The following NPFFR2 variants were observed in gnomAD, a reference collection of about 807,000 sequenced individuals.
NPFFR2 encodes G-protein coupled receptor 74.
Under a neutral mutation model 13.1 loss-of-function variants are expected in NPFFR2, and 15 were observed. The observed-to-expected ratio is 1.15, with a 90% confidence interval of 0.77 to 1.76. The LOEUF (loss-of-function observed/expected upper bound fraction) is 1.76, where lower values mean the gene tolerates loss of function less well. Ranked by LOEUF, NPFFR2 falls within the 40% of genes most tolerant of loss-of-function variation. NPFFR2 has a pLI of 0.00. For synonymous variants in NPFFR2, 190 were observed against 175.7 expected, an observed-to-expected ratio of 1.08 and a Z score of -0.65; for missense variants, 572 against 503.5, an observed-to-expected ratio of 1.14 and a Z score of -1.30.
chr4:72,147,883 G>A lies in NPFFR2; in HGVS notation c.*71G>A. 8.6e-7 allele frequency: 1 copy of A among 1,166,966 alleles called. No individual in the cohort carries two copies. Among genetic ancestry groups the A allele is most frequent in the South Asian group, 1.9e-5 (1 of 53,258 alleles). The allele number at this position is 1,166,966 out of a possible 1,614,324, so 72.3% of individuals were successfully genotyped here. On this transcript the variant is annotated 3_prime_UTR_variant, in exon 4 of 4. Coordinates refer to ENST00000308744, the MANE Select transcript of NPFFR2 (RefSeq NM_004885.3). ...TAAATCCATTGCTTTTTGTGGCTTTGCACTTCAAATTTTTCAAAGAATGTT... is the reference window on the plus strand; with the variant it reads ...TAAATCCATTGCTTTTTGTGGCTTTACACTTCAAATTTTTCAAAGAATGTT...
intron 1 of NPFFR2, among the ~76,000 whole-genome samples, chr4:72,067,377 C>G (rs1720105644): frequency 6.6e-6 from 1 of 152,144 alleles, no homozygotes; most frequent in African/African-American, 2.4e-5. Context: ...TTTCTGTTCT[C>G]AAGGCCTAGC....
intron 2 of NPFFR2, 115 bp downstream of exon 2, chr4:72,129,034 A>G: frequency 1.2e-6 from 1 of 815,634 alleles, no homozygotes; most frequent in South Asian, 1.8e-5. Flanking sequence ...ATGGAATTCC[A>G]GGAACTGATC....
chr4:72,102,272 A>G (rs976677711), intron 1 of NPFFR2, among the ~76,000 whole-genome samples: 1 of 152,130 alleles, frequency 6.6e-6, no homozygotes, highest in Non-Finnish European at 1.5e-5. Flanking sequence ...ACTTTGTGTT[A>G]GAAGTAAGGA....
intron 1 of NPFFR2, among the ~76,000 whole-genome samples, chr4:72,104,743 A>G (rs1232449391): frequency 6.6e-6 from 1 of 152,026 alleles, no homozygotes; most frequent in African/African-American, 2.4e-5. Context: ...TCTTCCTTCA[A>G]TATTGTTGCA....
chr4:72,073,355 G>T (rs915461527), intron 1 of NPFFR2, among the ~76,000 whole-genome samples: 3 of 151,908 alleles, frequency 2.0e-5, no homozygotes, highest in African/African-American at 7.2e-5. Flanking sequence ...AATTAAAAAT[G>T]TTCTATAGCT....
chr4:72,108,493 C>T (rs1333225218), intron 1 of NPFFR2, among the ~76,000 whole-genome samples: 2 of 151,868 alleles, frequency 1.3e-5, no homozygotes, highest in Non-Finnish European at 2.9e-5. Context: ...TATCTTCTTG[C>T]CACACATTTC....
chr4:72,092,278 G>T (rs1053785821), intron 1 of NPFFR2, among the ~76,000 whole-genome samples: 1 of 152,016 alleles, frequency 6.6e-6, no homozygotes, highest in Non-Finnish European at 1.5e-5. Context: ...CATGGAGAAG[G>T]TTCCATTTGC....
chr4:72,068,634 A>T (rs1720146755), intron 1 of NPFFR2, among the ~76,000 whole-genome samples: 2 of 152,164 alleles, frequency 1.3e-5, no homozygotes, highest in African/African-American at 4.8e-5. Context: ...CATTCAGTAA[A>T]TACGGTTGAA....
At chr4:72,063,816 C>G (rs1719991092) in intron 1 of NPFFR2, among the ~76,000 whole-genome samples, 1 of 152,156 alleles carries the variant, frequency 6.6e-6, no homozygotes, top group African/African-American at 2.4e-5. Context: ...CTGCTAGGTA[C>G]TGAGAACAGA....
intron 1 of NPFFR2, among the ~76,000 whole-genome samples, chr4:72,061,681 G>A (rs1719924005): frequency 6.6e-6 from 1 of 152,116 alleles, no homozygotes; most frequent in African/African-American, 2.4e-5. Context: ...ACTAACACAG[G>A]AACAGAAAAC....
chr4:72,076,092 A>G (rs10938003), intron 1 of NPFFR2, among the ~76,000 whole-genome samples: 135,377 of 151,354 alleles, frequency 0.89, 61,589 homozygotes, highest in Non-Finnish European at 0.98. Context: ...AAGGACCGGT[A>G]AGGCTAGACG....
At chr4:72,091,022 G>A (rs534717705) in intron 1 of NPFFR2, among the ~76,000 whole-genome samples, 25 of 151,668 alleles carry the variant, frequency 1.6e-4, no homozygotes, top group South Asian at 8.3e-4. Context: ...AATCATAAAC[G>A]TTAATCTATT....
chr4:72,124,750 T>C (rs2109830848), intron 1 of NPFFR2, among the ~76,000 whole-genome samples: 1 of 152,208 alleles, frequency 6.6e-6, no homozygotes, highest in South Asian at 2.1e-4. Flanking sequence ...GACCCCTTCC[T>C]TACACCTTAC....
intron 3 of NPFFR2, among the ~76,000 whole-genome samples, chr4:72,141,284 G>A (rs776069369): frequency 6.6e-6 from 1 of 151,618 alleles, no homozygotes; most frequent in Non-Finnish European, 1.5e-5. Flanking sequence ...ATCTTAGTTA[G>A]TTCTTGCCTT....
At chr4:72,117,677 G>T (rs573163617) in intron 1 of NPFFR2, among the ~76,000 whole-genome samples, 2 of 152,286 alleles carry the variant, frequency 1.3e-5, no homozygotes, top group Admixed American at 1.3e-4. Context: ...ATGAATGAAT[G>T]AACAGAAGAT....
At chr4:72,051,530 C>T (rs1218308901) in intron 1 of NPFFR2, among the ~76,000 whole-genome samples, 6 of 150,884 alleles carry the variant, frequency 4.0e-5, no homozygotes, top group Non-Finnish European at 7.4e-5. Context: ...TAAATGCCCA[C>T]AAGAGAAAGC....
intron 1 of NPFFR2, among the ~76,000 whole-genome samples, chr4:72,034,614 TC>T (rs1189363886): frequency 6.6e-6 from 1 of 152,240 alleles, no homozygotes; most frequent in African/African-American, 2.4e-5. Context: ...ATTTTAATAA[TC>T]TTAACAAATT....
chr4:72,046,908 G>A (rs1182748766), intron 1 of NPFFR2, among the ~76,000 whole-genome samples: 1 of 152,126 alleles, frequency 6.6e-6, no homozygotes, highest in African/African-American at 2.4e-5. Context: ...TAGACACTGG[G>A]GTAAAGTCCA....
chr4:72,133,231 A>G lies in NPFFR2; in HGVS notation c.328+4312A>G, dbSNP rs947883416. ...ATCTTCTGCACATGGCTAGCCAGTT[A>G]TCCCAGCATGATTTATTAAATAGGG... On this transcript the variant is annotated intron_variant, in intron 2 of 3. Coordinates refer to ENST00000308744, the MANE Select transcript of NPFFR2 (RefSeq NM_004885.3). Among the ~76,000 whole-genome samples the G allele has an allele frequency of 2.6e-5, 4 of 152,270 alleles. No individual in the cohort carries two copies. In the South Asian group the frequency reaches 8.3e-4, roughly 32 times the overall value.
Sources: allele counts gnomAD v4.1 joint callset (sites outside exome capture counted in the v4.1 genomes callset), GRCh38; gene constraint gnomAD v4.1.1; transcripts MANE v1.5; gene names NCBI Gene and HGNC (gene_info 2026-07-23, HGNC 2026-07-21).